The following CATSPERT variants were observed in gnomAD, a reference collection of about 807,000 sequenced individuals.
CATSPERT encodes cation channel sperm-associated targeting subunit tau.
chr2:201,607,187 C>T, the CATSPERT span, among the ~76,000 whole-genome samples: 2 of 152,104 alleles, frequency 1.3e-5, no homozygotes, highest in Non-Finnish European at 2.9e-5. Flanking sequence ...CCCGATCTTT[C>T]GGATTTGGGT....
the CATSPERT span, chr2:201,492,178 G>A: frequency 6.6e-7 from 1 of 1,523,178 alleles, no homozygotes; most frequent in African/African-American, 1.4e-5. Flanking sequence ...AACAATTCTT[G>A]AATATTTATT....
chr2:201,493,221 TTTACAAAGCCTCTGACCATTTC>T, the CATSPERT span: 1 of 1,536,360 alleles, frequency 6.5e-7, no homozygotes, highest in Non-Finnish European at 8.7e-7. Flanking sequence ...CATTTTTGTC[TTTACAAAGCCTCTGACCATTTC>T]TTGGCAAATA....
the CATSPERT span, among the ~76,000 whole-genome samples, chr2:201,563,339 CGG>C: frequency 7.0e-6 from 1 of 142,156 alleles, no homozygotes; most frequent in African/African-American, 2.7e-5. Flanking sequence ...ACCTCCCTCC[CGG>C]ACTGGGCGGC....
chr2:201,515,215 T>TAG, the CATSPERT span, among the ~76,000 whole-genome samples: 23 of 35,672 alleles, frequency 6.4e-4, 5 homozygotes, highest in African/African-American at 4.5e-3. Flanking sequence ...TTTTTTTTTT[T>TAG]TTTTTTTTTT....
the CATSPERT span, chr2:201,534,300 C>T: frequency 8.3e-5 from 59 of 713,608 alleles, no homozygotes; most frequent in Non-Finnish European, 1.0e-4. Context: ...GCCCAACAAG[C>T]AAGTCAACCC....
the CATSPERT span, among the ~76,000 whole-genome samples, chr2:201,596,744 T>C: frequency 6.6e-6 from 1 of 152,226 alleles, no homozygotes; most frequent in Non-Finnish European, 1.5e-5. Context: ...TTTCTCTTAC[T>C]GTTTCCAGAA....
chr2:201,520,952 T>C, the CATSPERT span, among the ~76,000 whole-genome samples: 3 of 149,908 alleles, frequency 2.0e-5, no homozygotes, highest in African/African-American at 7.3e-5. Context: ...AAAAAAATCA[T>C]TAGAGACTAC....
chr2:201,571,414 A>G, the CATSPERT span, among the ~76,000 whole-genome samples: 1 of 152,124 alleles, frequency 6.6e-6, no homozygotes, highest in African/African-American at 2.4e-5. Context: ...ATCTATTTTT[A>G]TTGTTGAAAT....
At chr2:201,563,330 C>A in the CATSPERT span, among the ~76,000 whole-genome samples, 1 of 137,952 alleles carries the variant, frequency 7.2e-6, no homozygotes, top group African/African-American at 2.8e-5. Context: ...GACCCCCCCA[C>A]CTCCCTCCCG....
At chr2:201,618,232 T>A in the CATSPERT span, among the ~76,000 whole-genome samples, 2 of 152,200 alleles carry the variant, frequency 1.3e-5, no homozygotes, top group African/African-American at 4.8e-5. Context: ...GGATTATAAA[T>A]CATGCTGCTA....
At chr2:201,516,175 GT>G in the CATSPERT span, among the ~76,000 whole-genome samples, 4 of 152,140 alleles carry the variant, frequency 2.6e-5, no homozygotes, top group Admixed American at 2.6e-4. Context: ...GTAAATATTT[GT>G]GTATCTAAAC....
chr2:201,588,344 C>T, the CATSPERT span, among the ~76,000 whole-genome samples: 17 of 151,948 alleles, frequency 1.1e-4, no homozygotes, highest in East Asian at 3.3e-3. Flanking sequence ...TTGACGTATA[C>T]AAATCAATAA....
chr2:201,494,069 C>T, the CATSPERT span: 1 of 1,535,076 alleles, frequency 6.5e-7, no homozygotes, highest in Non-Finnish European at 8.7e-7. Context: ...GAAAATGAAT[C>T]TGCAGGAATA....
the CATSPERT span, chr2:201,565,707 T>G: frequency 4.6e-6 from 1 of 216,410 alleles, no homozygotes; most frequent in Non-Finnish European, 6.0e-6. Context: ...TCTTTTGAAT[T>G]TTTTTTTTTT....
the CATSPERT span, chr2:201,536,380 C>T: frequency 6.6e-7 from 1 of 1,512,362 alleles, no homozygotes; most frequent in Middle Eastern, 1.8e-4. Context: ...GAAAATTTTA[C>T]AAATTAAGAA....
chr2:201,493,127 A>C, the CATSPERT span: 2 of 1,527,144 alleles, frequency 1.3e-6, no homozygotes, highest in Non-Finnish European at 1.8e-6. Flanking sequence ...ATGTTTTTTA[A>C]AAAGGATTTT....
At chr2:201,508,470 A>G in the CATSPERT span, among the ~76,000 whole-genome samples, 1 of 152,236 alleles carries the variant, frequency 6.6e-6, no homozygotes, top group Non-Finnish European at 1.5e-5. Context: ...TATTGTGGTA[A>G]AAAGCACATA....
chr2:201,545,642 A>AAAAAAAAAAAAG, the CATSPERT span: 1 of 880,028 alleles, frequency 1.1e-6, no homozygotes, highest in South Asian at 2.3e-5. Flanking sequence ...AAAAAAAAAA[A>AAAAAAAAAAAAG]AAAAAAAAAA....
At chr2:201,546,713 T>A in the CATSPERT span, among the ~76,000 whole-genome samples, 2 of 152,134 alleles carry the variant, frequency 1.3e-5, no homozygotes, top group African/African-American at 4.8e-5. Context: ...GGAAAACGGT[T>A]TGGAAGCTCC....
Sources: gnomAD v4.1 joint callset for allele counts (sites outside exome capture counted in the v4.1 genomes callset) on GRCh38, gnomAD v4.1.1 for gene constraint, MANE v1.5 for transcripts, NCBI Gene and HGNC (gene_info 2026-07-23, HGNC 2026-07-21) for gene names.